The following MISFA variants were observed in gnomAD, a reference collection of about 807,000 sequenced individuals.
MISFA encodes mitochondrial sheath formation-associated protein.
chr11:18,607,001 C>T, the MISFA span: 5 of 278,076 alleles, frequency 1.8e-5, no homozygotes, highest in East Asian at 1.6e-4. Flanking sequence ...GCTGGGATTA[C>T]AGGTGTGTGC....
chr11:18,600,512 CT>C, the MISFA span, among the ~76,000 whole-genome samples: 4,129 of 54,084 alleles, frequency 0.076, 44 homozygotes, highest in African/African-American at 0.13. Context: ...TGGGGACATC[CT>C]TTTTTTTTTT....
the MISFA span, chr11:18,609,769 A>C: frequency 8.9e-7 from 1 of 1,122,246 alleles, no homozygotes; most frequent in Non-Finnish European, 1.3e-6. Context: ...CCCAAGTATA[A>C]ATCTAAAATG....
the MISFA span, among the ~76,000 whole-genome samples, chr11:18,604,632 GAA>G: frequency 7.7e-6 from 1 of 130,614 alleles, no homozygotes; most frequent in African/African-American, 2.8e-5. Context: ...AGTCTCAAAA[GAA>G]AAAAAAAAAA....
chr11:18,606,946 C>T, the MISFA span: 12 of 296,018 alleles, frequency 4.1e-5, no homozygotes, highest in Admixed American at 1.2e-4. Context: ...CTGCAACCTC[C>T]GCCTCCCAGG....
At chr11:18,609,659 A>G in the MISFA span, 3 of 585,972 alleles carry the variant, frequency 5.1e-6, no homozygotes, top group Non-Finnish European at 9.1e-6. Flanking sequence ...TGGGCATTAT[A>G]TCATCTGCAT....
At chr11:18,608,145 T>C in the MISFA span, 1 of 152,672 alleles carries the variant, frequency 6.5e-6, no homozygotes, top group Non-Finnish European at 1.5e-5. Flanking sequence ...ATGAAATCAA[T>C]AGGATTTTCT....
chr11:18,600,512 CTTTTTTTTTTTTTT>C, the MISFA span, among the ~76,000 whole-genome samples: 3 of 54,030 alleles, frequency 5.6e-5, no homozygotes, highest in South Asian at 6.8e-4. Flanking sequence ...TGGGGACATC[CTTTTTTTTTTTTTT>C]TTTTTTTTTT....
At chr11:18,603,917 C>CTTTTTT in the MISFA span, 14 of 53,014 alleles carry the variant, frequency 2.6e-4, 3 homozygotes, top group Admixed American at 7.4e-4. Flanking sequence ...AGTTACCGCA[C>CTTTTTT]TTTTTTTTTT....
At chr11:18,607,828 C>CAAAA in the MISFA span, 20 of 152,146 alleles carry the variant, frequency 1.3e-4, no homozygotes, top group African/African-American at 3.9e-4. Flanking sequence ...CCTGATTCTT[C>CAAAA]CCACTAAGTT....
chr11:18,606,955 G>T, the MISFA span: 2 of 295,448 alleles, frequency 6.8e-6, no homozygotes, highest in African/African-American at 2.4e-5. Context: ...CCGCCTCCCA[G>T]GTTCTAGCGA....
chr11:18,599,908 G>T, the MISFA span: 1 of 398,882 alleles, frequency 2.5e-6, no homozygotes. Context: ...TTTTATCTTA[G>T]AAATTGTTTT....
At chr11:18,609,775 A>C in the MISFA span, 1 of 1,234,152 alleles carries the variant, frequency 8.1e-7, no homozygotes, top group African/African-American at 1.5e-5. Context: ...TATAAATCTA[A>C]AATGATAAGG....
chr11:18,608,352 C>T, the MISFA span: 1 of 152,448 alleles, frequency 6.6e-6, no homozygotes, highest in Non-Finnish European at 1.5e-5. Flanking sequence ...TCTATAATAC[C>T]CAAACTTGAA....
the MISFA span, chr11:18,603,668 G>A: frequency 2.5e-6 from 1 of 398,060 alleles, no homozygotes; most frequent in Non-Finnish European, 4.4e-6. Context: ...CAGAATTGGA[G>A]GTAACCTCCC....
chr11:18,609,102 TA>T, the MISFA span: 1 of 152,178 alleles, frequency 6.6e-6, no homozygotes, highest in African/African-American at 2.4e-5. Flanking sequence ...TTTTTTTAGA[TA>T]AAAATCAATC....
the MISFA span, chr11:18,606,986 C>T: frequency 3.5e-5 from 10 of 288,072 alleles, no homozygotes; most frequent in Admixed American, 1.2e-4. Context: ...TCAGCCTCCC[C>T]GGTAGCTGGG....
At chr11:18,608,896 T>C in the MISFA span, 11 of 151,834 alleles carry the variant, frequency 7.2e-5, no homozygotes, top group South Asian at 2.3e-3. Flanking sequence ...CCATTAATAT[T>C]TGCTAACAAA....
At chr11:18,608,050 A>G in the MISFA span, 1 of 152,656 alleles carries the variant, frequency 6.6e-6, no homozygotes, top group Non-Finnish European at 1.5e-5. Flanking sequence ...AAATGGCAGC[A>G]GAGGAATTGA....
At chr11:18,599,897 A>G in the MISFA span, 5 of 398,768 alleles carry the variant, frequency 1.3e-5, no homozygotes, top group Admixed American at 8.8e-5. Context: ...TCACTGTGCA[A>G]TTTTATCTTA....
Sources: allele counts gnomAD v4.1 joint callset (sites outside exome capture counted in the v4.1 genomes callset), GRCh38; gene constraint gnomAD v4.1.1; transcripts MANE v1.5; gene names NCBI Gene and HGNC (gene_info 2026-07-23, HGNC 2026-07-21).